Variants in EPB41L5 observed in about 807,000 individuals in gnomAD.
EPB41L5 encodes the protein band 4.1-like protein 5.
EPB41L5 carries 55 observed loss-of-function variants against 106.6 expected under a neutral mutation model. The ratio of observed to expected loss-of-function variants is 0.52; its 90% confidence interval spans 0.42 to 0.65. The LOEUF (loss-of-function observed/expected upper bound fraction) is 0.65, where lower values mean the gene tolerates loss of function less well. Among genes scored for constraint, EPB41L5 ranks in the 30% least tolerant of loss-of-function variants. EPB41L5 has a pLI of 0.00. For missense variants in EPB41L5, 871 were observed against 882.1 expected, an observed-to-expected ratio of 0.99 and a Z score of 0.16; for synonymous variants, 297 against 306.7, an observed-to-expected ratio of 0.97 and a Z score of 0.33.
intron 16 of EPB41L5, among the ~76,000 whole-genome samples, chr2:120,111,482 T>C (rs1684726868): frequency 6.6e-6 from 1 of 152,192 alleles, no homozygotes; most frequent in Non-Finnish European, 1.5e-5. Context: ...CATGCCCTCC[T>C]GGAGATTCTG....
intron 24 of EPB41L5, among the ~76,000 whole-genome samples, chr2:120,170,781 C>T (rs904968089): frequency 2.0e-5 from 3 of 152,122 alleles, no homozygotes; most frequent in African/African-American, 7.2e-5. Flanking sequence ...TGGAGTTTCT[C>T]CACTGTAATA....
In EPB41L5 at chr2:120,032,202, G is replaced by A. The variant is rs546777790; in HGVS notation, c.181-9804G>A. On this transcript the variant is annotated intron_variant, in intron 2 of 24. Coordinates refer to ENST00000263713, the MANE Select transcript of EPB41L5 (RefSeq NM_020909.4). ...TCCAGACCAGCCTGGCCAACAAGGC[G>A]AAACTCCGTCTCTACTAAAAATAGA... Among the ~76,000 whole-genome samples the A allele has an allele frequency of 4.6e-5, 7 of 152,136 alleles. No individual in the cohort carries two copies. In the South Asian group the frequency reaches 1.2e-3, roughly 27 times the overall value.
chr2:120,062,895 A>G (rs1681178782), intron 3 of EPB41L5, among the ~76,000 whole-genome samples: 1 of 152,304 alleles, frequency 6.6e-6, no homozygotes, highest in East Asian at 1.9e-4. Flanking sequence ...AAAAATAGTG[A>G]TGAGGAGTGT....
At chr2:120,046,161 A>G (rs1389244939) in intron 3 of EPB41L5, among the ~76,000 whole-genome samples, 1 of 152,118 alleles carries the variant, frequency 6.6e-6, no homozygotes, top group Non-Finnish European at 1.5e-5. Flanking sequence ...TAATCCTTTG[A>G]GTATATACCC....
At chr2:120,122,268 G>A (rs1685250593) in intron 16 of EPB41L5, among the ~76,000 whole-genome samples, 1 of 152,114 alleles carries the variant, frequency 6.6e-6, no homozygotes, top group Non-Finnish European at 1.5e-5. Context: ...TATTCTGAAT[G>A]GTATTGCCTA....
intron 16 of EPB41L5, among the ~76,000 whole-genome samples, chr2:120,122,009 C>G (rs1253498513): frequency 6.6e-6 from 1 of 152,136 alleles, no homozygotes; most frequent in African/African-American, 2.4e-5. Context: ...ATCCTTTGCC[C>G]ACTTTTTGAT....
intron 16 of EPB41L5, among the ~76,000 whole-genome samples, chr2:120,117,678 C>A (rs1685013777): frequency 6.6e-6 from 1 of 152,086 alleles, no homozygotes; most frequent in African/African-American, 2.4e-5. Context: ...CAATAAAGTG[C>A]ATCTTTAAAG....
At chr2:120,152,086 C>T (rs1302083892) in intron 20 of EPB41L5, among the ~76,000 whole-genome samples, 1 of 152,158 alleles carries the variant, frequency 6.6e-6, no homozygotes, top group Non-Finnish European at 1.5e-5. Context: ...CAAAAACTGA[C>T]ATTCTTATTT....
intron 21 of EPB41L5, among the ~76,000 whole-genome samples, chr2:120,161,777 T>G (rs2105539446): frequency 6.6e-6 from 1 of 152,270 alleles, no homozygotes; most frequent in South Asian, 2.1e-4. Flanking sequence ...AGCTGTGGTG[T>G]TAGATTCTCA....
chr2:120,076,338 C>G (rs1320193704), intron 7 of EPB41L5, among the ~76,000 whole-genome samples: 1 of 151,606 alleles, frequency 6.6e-6, no homozygotes, highest in Non-Finnish European at 1.5e-5. Context: ...GAGACAGGGT[C>G]TCACTCTTGT....
rs1293711277 is a variant in EPB41L5 at position 120,177,488 on chromosome 2, G to A, written c.*2581G>A. On this transcript the variant is annotated 3_prime_UTR_variant, in exon 25 of 25. Coordinates refer to ENST00000263713, the MANE Select transcript of EPB41L5 (RefSeq NM_020909.4). ...TCAGTCCATTTCATAGCCCTGATAG[G>A]GGAAGTGGGAGTTGACAGGATGGTT... is the stretch of plus-strand genomic sequence containing the variant. The A allele has an allele frequency of 4.6e-5, 7 of 152,184 alleles. No homozygotes were observed. The highest frequency in any genetic ancestry group is 8.8e-5 in the Non-Finnish European group (6 of 68,034). 9.4% of individuals were successfully genotyped at this position (152,184 alleles called of 1,614,324 possible).
chr2:120,059,315 A>G (rs1050816165), intron 3 of EPB41L5, among the ~76,000 whole-genome samples: 2 of 152,214 alleles, frequency 1.3e-5, no homozygotes, highest in African/African-American at 4.8e-5. Flanking sequence ...CCTTATACCT[A>G]TACAAAAATT....
At chr2:120,163,261 C>A (rs1053110353) in intron 21 of EPB41L5, among the ~76,000 whole-genome samples, 2 of 114,428 alleles carry the variant, frequency 1.7e-5, no homozygotes, top group Non-Finnish European at 3.8e-5. Context: ...TCCCTCTGCC[C>A]CCCCCCCCCC....
intron 2 of EPB41L5, among the ~76,000 whole-genome samples, chr2:120,041,300 T>C (rs1360747661): frequency 6.6e-6 from 1 of 152,166 alleles, no homozygotes; most frequent in African/African-American, 2.4e-5. Context: ...TGTGTTGTTT[T>C]GTTTCAGGTA....
Position 120,177,239 on chromosome 2 carries a change from A to C in EPB41L5, c.*2332A>C, listed in dbSNP as rs1413275192. 6.6e-6 allele frequency: 1 copy of C among 152,204 alleles called. No individual in the cohort carries two copies. Among genetic ancestry groups the C allele is most frequent in the Non-Finnish European group, 1.5e-5 (1 of 68,232 alleles). 9.4% of individuals were successfully genotyped at this position (152,204 alleles called of 1,614,324 possible). On this transcript the variant is annotated 3_prime_UTR_variant, in exon 25 of 25. Coordinates refer to ENST00000263713, the MANE Select transcript of EPB41L5 (RefSeq NM_020909.4). ...GGGAAGGGGAGATGTCTGTCTCTTG[A>C]GAAGAGAGAGGCATGTGTGCCGGCA...
chr2:120,077,445 G>A, intron 9 of EPB41L5, 129 bp downstream of exon 9: 1 of 563,494 alleles, frequency 1.8e-6, no homozygotes. Flanking sequence ...TGGATGTATG[G>A]TTAAAAAGTT....
chr2:120,027,946 T>C (rs1447884827), intron 2 of EPB41L5, among the ~76,000 whole-genome samples: 1 of 152,078 alleles, frequency 6.6e-6, no homozygotes, highest in Non-Finnish European at 1.5e-5. Flanking sequence ...CACTGCAACC[T>C]CCACCTCCTG....
At chr2:120,081,783 G>C (rs1168339175) in intron 10 of EPB41L5, among the ~76,000 whole-genome samples, 1 of 151,980 alleles carries the variant, frequency 6.6e-6, no homozygotes, top group East Asian at 1.9e-4. Context: ...CTTTTATTTT[G>C]TTGAGCAGTG....
chr2:120,093,991 G>T (rs1293220411), intron 14 of EPB41L5, among the ~76,000 whole-genome samples: 3 of 151,922 alleles, frequency 2.0e-5, no homozygotes, highest in South Asian at 4.1e-4. Flanking sequence ...TTGGGGTGGG[G>T]GTAGGGGACG....
Sources: gnomAD v4.1 joint callset for allele counts (sites outside exome capture counted in the v4.1 genomes callset) on GRCh38, gnomAD v4.1.1 for gene constraint, MANE v1.5 for transcripts, NCBI Gene and HGNC (gene_info 2026-07-23, HGNC 2026-07-21) for gene names.